The following BOK variants were observed in gnomAD, a reference collection of about 807,000 sequenced individuals.
BOK encodes the protein BCL2 family apoptosis regulator BOK.
BOK carries 20 observed loss-of-function variants against 18.3 expected under a neutral mutation model. That is an observed-to-expected ratio of 1.09 (90% confidence interval 0.77 to 1.59). The LOEUF is 1.59. Ranked by LOEUF, BOK falls within the 40% of genes most tolerant of loss-of-function variation. BOK has a pLI of 0.00. For synonymous variants in BOK, 173 were observed against 142.4 expected, an observed-to-expected ratio of 1.21 and a Z score of -1.53; for missense variants, 348 against 307.9, an observed-to-expected ratio of 1.13 and a Z score of -0.97.
intron 3 of BOK, among the ~76,000 whole-genome samples, chr2:241,568,381 A>G (rs1316213604): frequency 6.6e-6 from 1 of 151,962 alleles, no homozygotes; most frequent in African/African-American, 2.4e-5. Context: ...CGGCCTCCCA[A>G]AATGCTGGGA....
intron 3 of BOK, among the ~76,000 whole-genome samples, chr2:241,564,463 G>C (rs2066579433): frequency 6.6e-6 from 1 of 151,994 alleles, no homozygotes; most frequent in African/African-American, 2.4e-5. Flanking sequence ...TGAGGGTGGG[G>C]GGCCGGGCCC....
chr2:241,569,932 G>A (rs1407012391), intron 3 of BOK, among the ~76,000 whole-genome samples, 193 bp from the exon 4 acceptor site: 1 of 152,208 alleles, frequency 6.6e-6, no homozygotes, highest in East Asian at 1.9e-4. Context: ...GGTGTGCAGT[G>A]GAGGCCGAGA....
chr2:241,560,203 A>G, intron 2 of BOK: 6 of 985,416 alleles, frequency 6.1e-6, no homozygotes, highest in Non-Finnish European at 7.2e-6. Context: ...CTGTGAGGAC[A>G]TCTGGGGGTG....
upstream of BOK, among the ~76,000 whole-genome samples, chr2:241,558,054 G>GACACAC (rs60885185): frequency 7.7e-3 from 1,098 of 143,334 alleles, 11 homozygotes; most frequent in African/African-American, 0.024. Context: ...AGAGTTCCGA[G>GACACAC]ACACACACAC....
At chr2:241,560,985 C>A (rs2066518942) in intron 2 of BOK, among the ~76,000 whole-genome samples, 1 of 152,210 alleles carries the variant, frequency 6.6e-6, no homozygotes. Flanking sequence ...GGTTGTGTCC[C>A]CACCTTCAGT....
At chr2:241,568,651 C>T (rs141678086) in intron 3 of BOK, among the ~76,000 whole-genome samples, 1 of 152,152 alleles carries the variant, frequency 6.6e-6, no homozygotes, top group Non-Finnish European at 1.5e-5. Context: ...CTCCTGACCT[C>T]AGGTGATCTG....
At chr2:241,561,247 C>T (rs876531) in intron 2 of BOK, among the ~76,000 whole-genome samples, 78,582 of 152,174 alleles carry the variant, frequency 0.52, 21,108 homozygotes, top group African/African-American at 0.66. Context: ...GTGGCATTCT[C>T]GGCACCATCT....
upstream of BOK, among the ~76,000 whole-genome samples, chr2:241,556,531 C>T (rs943120394): frequency 2.3e-4 from 30 of 131,746 alleles, no homozygotes; most frequent in Admixed American, 1.7e-3. Flanking sequence ...TGCAGTGAGC[C>T]GAGTTTACGC....
chr2:241,563,695 C>T (rs897926701), intron 3 of BOK, among the ~76,000 whole-genome samples: 1 of 152,228 alleles, frequency 6.6e-6, no homozygotes, highest in African/African-American at 2.4e-5. Flanking sequence ...CTGCTGTCAT[C>T]TCTGTGGCCT....
At position 241,572,508 on chromosome 2, in the gene BOK, C is replaced by G. The variant is rs2066740449; in HGVS notation, c.*86C>G. ...CACCCGAACACATCTTCCTCCTCCC[C>G]ACCCGAGCCTGGAGCACTCTAACCC... On this transcript the variant is annotated 3_prime_UTR_variant, in exon 5 of 5. Coordinates refer to ENST00000318407, the MANE Select transcript of BOK (RefSeq NM_032515.5). 4.0e-6 allele frequency: 6 copies of G among 1,509,026 alleles called. No homozygotes were observed. Among genetic ancestry groups the G allele is most frequent in the African/African-American group, 1.4e-5 (1 of 73,110 alleles). The allele number at this position is 1,509,026 out of a possible 1,614,324, so 93.5% of individuals were successfully genotyped here.
At position 241,573,539 on chromosome 2, in the gene BOK, G is replaced by A. The variant is rs1046754314; in HGVS notation, c.*1117G>A. ...ATGCTGGTTGCTTAATCCGTTTCTG[G>A]AGGAAGAGTATGACACCCACTTGTG... On this transcript the variant is annotated 3_prime_UTR_variant, in exon 5 of 5. Transcript: ENST00000318407. 2.6e-5 allele frequency: 4 copies of A among 152,410 alleles called. No homozygotes were observed. Among genetic ancestry groups the A allele is most frequent in the Non-Finnish European group, 5.9e-5 (4 of 68,164 alleles). The allele number at this position is 152,410 out of a possible 1,614,324, so 9.4% of individuals were successfully genotyped here.
intron 3 of BOK, among the ~76,000 whole-genome samples, chr2:241,564,440 C>T (rs528603958): frequency 5.9e-5 from 9 of 152,142 alleles, no homozygotes; most frequent in African/African-American, 2.2e-4. Context: ...CTCCAAGGCC[C>T]CCACGTGGCA....
At chr2:241,572,137 G>T (rs1456521348) in intron 4 of BOK, among the ~76,000 whole-genome samples, 160 bp from the exon 5 acceptor site, 1 of 152,234 alleles carries the variant, frequency 6.6e-6, no homozygotes, top group Non-Finnish European at 1.5e-5. Flanking sequence ...TTGTGTTGGA[G>T]CCTTCAGTCC....
intron 3 of BOK, among the ~76,000 whole-genome samples, chr2:241,567,318 G>A (rs7420166): frequency 0.22 from 29,015 of 131,894 alleles, 8,060 homozygotes; most frequent in Non-Finnish European, 0.31. Flanking sequence ...GTAGAGATGG[G>A]GTTTCACCAT....
intron 1 of BOK, among the ~76,000 whole-genome samples, chr2:241,553,560 G>T (rs984362105): frequency 1.3e-5 from 2 of 152,228 alleles, no homozygotes; most frequent in African/African-American, 4.8e-5. Context: ...ATGGCGGAGG[G>T]CGAAGAGGAA....
Position 241,565,054 on chromosome 2 carries a change from T to C in BOK, c.349+2578T>C, listed in dbSNP as rs573754574. Among the ~76,000 whole-genome samples the C allele has an allele frequency of 2.6e-5, 4 of 152,150 alleles. No individual in the cohort carries two copies. In the East Asian group the frequency reaches 7.8e-4, roughly 30 times the overall value. On this transcript the variant is annotated intron_variant, in intron 3 of 4. Coordinates refer to ENST00000318407, the MANE Select transcript of BOK (RefSeq NM_032515.5). ...GGAGGGCTGAGGGGAAGGGGATGGCTGGACGAGCGGGCACACAGCTGACGG... is the reference window on the plus strand; with the variant it reads ...GGAGGGCTGAGGGGAAGGGGATGGCCGGACGAGCGGGCACACAGCTGACGG...
chr2:241,553,299 C>T (rs768646141), intron 1 of BOK, among the ~76,000 whole-genome samples: 16 of 152,180 alleles, frequency 1.1e-4, no homozygotes, highest in South Asian at 2.1e-4. Context: ...TACAGGTGCC[C>T]GCTACCACAC....
At chr2:241,568,480 C>T (rs915053926) in intron 3 of BOK, among the ~76,000 whole-genome samples, 6 of 148,882 alleles carry the variant, frequency 4.0e-5, no homozygotes, top group Non-Finnish European at 5.9e-5. Context: ...TACAGTGGTG[C>T]GATCTGGGCT....
rs556645942 is a variant in BOK at position 241,566,682 on chromosome 2, C to G, written c.350-3443C>G. ...CAAAGTAAACCTAAGTTTGAATTCC[C>G]AGCTGAGCTGGCCCCTGGCAGACTC... On this transcript the variant is annotated intron_variant, in intron 3 of 4. Transcript: ENST00000318407. 1.5e-5 allele frequency among the ~76,000 whole-genome samples: 2 copies of G among 137,062 alleles called. 1 individual carries two copies. Among genetic ancestry groups the G allele is most frequent in the East Asian group, 5.1e-4 (2 of 3,886 alleles). 89.9% of individuals were successfully genotyped at this position (137,062 alleles called of 152,430 possible).
Sources: gnomAD v4.1 joint callset for allele counts (sites outside exome capture counted in the v4.1 genomes callset) on GRCh38, gnomAD v4.1.1 for gene constraint, MANE v1.5 for transcripts, NCBI Gene and HGNC (gene_info 2026-07-23, HGNC 2026-07-21) for gene names.